KIAA1671: variants seen among roughly 807,000 people sequenced by gnomAD.
The protein encoded by KIAA1671 is uncharacterized protein KIAA1671.
Under a neutral mutation model 131.2 loss-of-function variants are expected in KIAA1671, and 52 were observed. The ratio of observed to expected loss-of-function variants is 0.40; its 90% CI spans 0.32 to 0.50. The LOEUF (loss-of-function observed/expected upper bound fraction) is 0.50. Ranked by LOEUF, KIAA1671 falls within the 20% of genes least tolerant of loss-of-function variation. KIAA1671 has a pLI of 0.73. For missense variants in KIAA1671, 2,360 were observed against 2,364.2 expected (o/e 1.00, Z 0.04); for synonymous variants, 1,003 against 961.6 (o/e 1.04, Z -0.80).
intron 6 of KIAA1671, among the ~76,000 whole-genome samples, chr22:25,143,372 G>A (rs1488233814): frequency 1.3e-5 from 2 of 152,234 alleles, no homozygotes; most frequent in Admixed American, 6.5e-5. Context: ...GTGTCAGAAA[G>A]CAACTGCCTT....
At chr22:25,093,742 C>CTCTGTCTCTCTCTCTCTCTCTCTG (rs1930168606) in intron 6 of KIAA1671, among the ~76,000 whole-genome samples, 3 of 118,554 alleles carry the variant, frequency 2.5e-5, no homozygotes, top group Admixed American at 8.1e-5. Context: ...CACACACTCT[C>CTCTGTCTCTCTCTCTCTCTCTCTG]TCTCTCTCTC....
At chr22:25,032,483 C>G (rs978942055) in intron 3 of KIAA1671, 126 bp from the exon 4 acceptor site, 18 of 559,992 alleles carry the variant, frequency 3.2e-5, no homozygotes, top group African/African-American at 2.6e-4. Context: ...GGCAGTTCTC[C>G]TTTTGGTAAG....
At chr22:25,075,901 G>A (rs912990412) in intron 6 of KIAA1671, among the ~76,000 whole-genome samples, 7 of 151,160 alleles carry the variant, frequency 4.6e-5, no homozygotes, top group Admixed American at 3.3e-4. Context: ...TCAGCCTCCC[G>A]AGTAGCTGGG....
intron 1 of KIAA1671, among the ~76,000 whole-genome samples, chr22:24,955,375 G>A (rs959229707): frequency 3.3e-5 from 5 of 152,194 alleles, no homozygotes; most frequent in African/African-American, 1.2e-4. Flanking sequence ...ATGATCATAG[G>A]AGGAGGGGCT....
intron 1 of KIAA1671, among the ~76,000 whole-genome samples, chr22:24,991,488 A>T (rs775585599): frequency 5.2e-5 from 2 of 38,132 alleles, no homozygotes. Flanking sequence ...TTTGAGACAG[A>T]GTCTTGCTTT....
At chr22:25,057,593 A>G (rs1383432881) in intron 6 of KIAA1671, 1 of 151,932 alleles carries the variant, frequency 6.6e-6, no homozygotes, top group African/African-American at 2.4e-5. Context: ...AGATCAGGAA[A>G]ACGGAGGCCC....
intron 6 of KIAA1671, among the ~76,000 whole-genome samples, chr22:25,066,360 G>C (rs1330030863): frequency 6.6e-6 from 1 of 152,064 alleles, no homozygotes; most frequent in Admixed American, 6.6e-5. Flanking sequence ...TGTTGCCCAA[G>C]CTGGTCTTGA....
chr22:25,078,956 C>T (rs1334727452), intron 6 of KIAA1671, among the ~76,000 whole-genome samples: 1 of 152,104 alleles, frequency 6.6e-6, no homozygotes, highest in Non-Finnish European at 1.5e-5. Context: ...CATGGGGCCT[C>T]GAGCAAATCT....
At chr22:25,000,189 T>TG (rs1924367657) in intron 1 of KIAA1671, among the ~76,000 whole-genome samples, 2 of 68,224 alleles carry the variant, frequency 2.9e-5, no homozygotes, top group Admixed American at 1.3e-4. Context: ...CGCCTGTTTT[T>TG]TTTTTTTTTT....
At chr22:25,015,265 AC>A (rs1358479123) in intron 1 of KIAA1671, among the ~76,000 whole-genome samples, 1 of 151,162 alleles carries the variant, frequency 6.6e-6, no homozygotes, top group Admixed American at 6.6e-5. Flanking sequence ...AGCAGCAGCA[AC>A]CATAGATAAT....
At chr22:25,123,554 ACTCTGGGGAAAGCTGCTGT>A (rs1188651282) in intron 6 of KIAA1671, among the ~76,000 whole-genome samples, 9 of 151,840 alleles carry the variant, frequency 5.9e-5, no homozygotes. Context: ...TGGAGCTTTC[ACTCTGGGGAAAGCTGCTGT>A]GTCTTGAGGA....
intron 1 of KIAA1671, among the ~76,000 whole-genome samples, chr22:24,992,076 G>A (rs2123848640): frequency 6.6e-6 from 1 of 152,226 alleles, no homozygotes; most frequent in South Asian, 2.1e-4. Flanking sequence ...TGCCTACACT[G>A]GCAGACACCG....
intron 1 of KIAA1671, among the ~76,000 whole-genome samples, chr22:24,991,577 C>T (rs984391512): frequency 2.6e-5 from 4 of 151,714 alleles, no homozygotes; most frequent in Non-Finnish European, 5.9e-5. Context: ...CTGCCTCAGC[C>T]TCCCGAGTAG....
chr22:24,984,451 C>T (rs781145189), intron 1 of KIAA1671, among the ~76,000 whole-genome samples: 7 of 152,112 alleles, frequency 4.6e-5, no homozygotes, highest in Non-Finnish European at 8.8e-5. Flanking sequence ...GTCCAGGGCA[C>T]GGGAAATAGC....
chr22:25,030,684 C>T (rs1602081649), intron 3 of KIAA1671, among the ~76,000 whole-genome samples: 2 of 152,184 alleles, frequency 1.3e-5, no homozygotes, highest in Admixed American at 1.3e-4. Context: ...TATTCTAAGT[C>T]GGTTGGTTAA....
At chr22:24,974,844 C>T (rs1922835960) in intron 1 of KIAA1671, among the ~76,000 whole-genome samples, 1 of 151,992 alleles carries the variant, frequency 6.6e-6, no homozygotes, top group Admixed American at 6.6e-5. Context: ...AAGTGCACGC[C>T]ATCCTCGCCT....
intron 5 of KIAA1671, among the ~76,000 whole-genome samples, chr22:25,047,151 CTTTT>C (rs140590311): frequency 6.6e-5 from 8 of 121,688 alleles, no homozygotes; most frequent in African/African-American, 9.5e-5. Flanking sequence ...TTTTTCTTTT[CTTTT>C]TTTTTTTTTT....
At position 25,193,139 on chromosome 22, in the gene KIAA1671, T is replaced by TATATA. The variant is rs1934722656; in HGVS notation, c.*738_*739insATATA. Reference sequence around the variant, plus strand: ...CTTGATAGGTATATATGTGTTTACGTTAAAGGACAGGAGGAAAGATGTGCG... The same window carrying TATATA: ...CTTGATAGGTATATATGTGTTTACGTATATATAAAGGACAGGAGGAAAGATGTGCG... On this transcript the variant is annotated 3_prime_UTR_variant, in exon 13 of 13. Coordinates refer to ENST00000358431, the MANE Select transcript of KIAA1671 (RefSeq NM_001145206.2). 1 of 152,218 alleles carries TATATA rather than the reference T, an allele frequency of 6.6e-6. No homozygotes were observed. Among genetic ancestry groups the TATATA allele is most frequent in the Non-Finnish European group, 1.5e-5 (1 of 68,036 alleles). 9.4% of individuals were successfully genotyped at this position (152,218 alleles called of 1,614,324 possible).
intron 6 of KIAA1671, among the ~76,000 whole-genome samples, chr22:25,133,552 G>T (rs1041952930): frequency 2.6e-5 from 4 of 151,800 alleles, no homozygotes; most frequent in Admixed American, 6.6e-5. Flanking sequence ...TTATTTTTTT[G>T]TTTGTTTTTA....
Sources: allele counts gnomAD v4.1 joint callset (sites outside exome capture counted in the v4.1 genomes callset), GRCh38; gene constraint gnomAD v4.1.1; transcripts MANE v1.5; gene names NCBI Gene and HGNC (gene_info 2026-07-23, HGNC 2026-07-21).